Variants in PCCA observed in about 807,000 individuals in gnomAD.
PCCA encodes the protein propionyl-CoA carboxylase alpha chain, mitochondrial.
PCCA carries 74 observed loss-of-function variants against 101.3 expected under a neutral mutation model. The observed-to-expected ratio is 0.73, with a 90% CI of 0.61 to 0.89. The LOEUF (loss-of-function observed/expected upper bound fraction) is 0.89. PCCA is among the 40% of genes least tolerant of loss of function. The probability of loss-of-function intolerance (pLI) is 0.00; values close to 1 mark genes in which losing one functional copy is unlikely to be tolerated. For synonymous variants in PCCA, 294 were observed against 313.6 expected (o/e 0.94, Z 0.66); for missense variants, 891 against 907.0 (o/e 0.98, Z 0.23).
intron 7 of PCCA, among the ~76,000 whole-genome samples, chr13:100,234,674 T>A (rs2060676958): frequency 6.6e-6 from 1 of 151,514 alleles, no homozygotes; most frequent in African/African-American, 2.4e-5. Flanking sequence ...TAGACATAAG[T>A]GAACCAGTTA....
chr13:100,155,027 A>G lies in PCCA; in HGVS notation c.349A>G (p.Thr117Ala). The G allele has an allele frequency of 6.2e-7, 1 of 1,614,120 alleles. No homozygotes were observed. The highest frequency in any genetic ancestry group is 8.5e-7 in the Non-Finnish European group (1 of 1,179,994). Residue 117 changes from threonine to alanine, a missense_variant, in exon 5 of 24, where the codon ACC becomes GCC. By Grantham distance (58) the Thr-to-Ala change is moderately conservative (BLOSUM62 0). Transcript: ENST00000376285. ...DEAVCVGPAPTSKSYLNMDAI... is the reference protein window; with the variant it reads ...DEAVCVGPAPASKSYLNMDAI... ...GGCTGTCTGTGTTGGCCCAGCTCCC[A>G]CCAGTAAAAGCTACCTCAACATGGA...
intron 7 of PCCA, among the ~76,000 whole-genome samples, chr13:100,225,421 G>A (rs750717313): frequency 1.3e-5 from 2 of 152,184 alleles, no homozygotes; most frequent in South Asian, 2.1e-4. Context: ...GAGTATGGCC[G>A]TGTATTTGAA....
chr13:100,107,364 G>A (rs959511127), intron 2 of PCCA, among the ~76,000 whole-genome samples: 2 of 152,164 alleles, frequency 1.3e-5, no homozygotes, highest in Non-Finnish European at 2.9e-5. Context: ...GTTAGTGTGA[G>A]CCAGTACAGT....
intron 12 of PCCA, among the ~76,000 whole-genome samples, chr13:100,298,224 A>G (rs2065709054): frequency 6.6e-6 from 1 of 152,128 alleles, no homozygotes; most frequent in Admixed American, 6.6e-5. Context: ...TTTTTGAGGC[A>G]TTGTTTCCAA....
chr13:100,415,071 C>T (rs1233010826), intron 19 of PCCA, among the ~76,000 whole-genome samples: 2 of 151,778 alleles, frequency 1.3e-5, no homozygotes, highest in African/African-American at 2.4e-5. Flanking sequence ...AGGAGGAGAG[C>T]GTTGAGTTGG....
chr13:100,360,657 G>A (rs748399007), intron 18 of PCCA, among the ~76,000 whole-genome samples: 2 of 152,126 alleles, frequency 1.3e-5, no homozygotes, highest in South Asian at 2.1e-4. Flanking sequence ...CCAGAACACC[G>A]AACACCACGT....
At chr13:100,234,890 CAA>C (rs1566764964) in intron 7 of PCCA, among the ~76,000 whole-genome samples, 4 of 143,064 alleles carry the variant, frequency 2.8e-5, no homozygotes, top group African/African-American at 1.2e-4. Context: ...CTGAATTACA[CAA>C]ACACACACAC....
chr13:100,189,382 A>G (rs1212157899), intron 6 of PCCA, among the ~76,000 whole-genome samples: 1 of 152,220 alleles, frequency 6.6e-6, no homozygotes, highest in Non-Finnish European at 1.5e-5. Flanking sequence ...AGAACGATTT[A>G]TAATCCTTTG....
At chr13:100,392,555 T>C (rs1193416494) in intron 19 of PCCA, among the ~76,000 whole-genome samples, 1 of 152,160 alleles carries the variant, frequency 6.6e-6, no homozygotes, top group East Asian at 1.9e-4. Context: ...TTCTTCACAG[T>C]TTTTTCTCTG....
At chr13:100,323,041 G>A (rs1305990354) in intron 16 of PCCA, among the ~76,000 whole-genome samples, 1 of 152,194 alleles carries the variant, frequency 6.6e-6, no homozygotes, top group Non-Finnish European at 1.5e-5. Flanking sequence ...GATGCATATA[G>A]ATAGGTTTGC....
chr13:100,202,644 T>A, intron 6 of PCCA, among the ~76,000 whole-genome samples: 1 of 151,294 alleles, frequency 6.6e-6, no homozygotes, highest in Non-Finnish European at 1.5e-5. Flanking sequence ...ATATTTGCTC[T>A]TTTTTTTGCT....
chr13:100,480,646 A>T (rs1402819704), intron 21 of PCCA, among the ~76,000 whole-genome samples: 1 of 152,164 alleles, frequency 6.6e-6, no homozygotes, highest in East Asian at 1.9e-4. Flanking sequence ...AAACTAGATT[A>T]AACCAAAAAA....
intron 21 of PCCA, among the ~76,000 whole-genome samples, chr13:100,478,991 G>T (rs1214731122): frequency 1.3e-5 from 2 of 152,116 alleles, no homozygotes; most frequent in African/African-American, 4.8e-5. Context: ...TTCTCACTCA[G>T]GGTAAGGGAC....
chr13:100,505,107 C>T (rs1312532776), intron 21 of PCCA, among the ~76,000 whole-genome samples: 1 of 152,182 alleles, frequency 6.6e-6, no homozygotes, highest in Non-Finnish European at 1.5e-5. Flanking sequence ...GCCTCGCAGC[C>T]TGGAGATTTT....
Position 100,515,363 on chromosome 13 carries a change from A to C in PCCA, c.1900-64A>C, listed in dbSNP as rs185327997. On this transcript the variant is annotated intron_variant, in intron 21 of 23. Transcript: ENST00000376285. ...AAAGCTAAAAATTGATTTAGAATGAATGCTACTTTTGAGGAAAATTTCATT... is the reference window on the plus strand; with the variant it reads ...AAAGCTAAAAATTGATTTAGAATGACTGCTACTTTTGAGGAAAATTTCATT... The C allele has an allele frequency of 4.1e-6, 6 of 1,457,192 alleles. No individual in the cohort carries two copies. The Admixed American group carries it at 1.0e-4, about 25-fold the overall frequency. 90.3% of individuals were successfully genotyped at this position (1,457,192 alleles called of 1,614,324 possible). A position where few individuals can be genotyped will look rare whatever the true frequency, so the allele number is the denominator to read the frequency against.
At chr13:100,483,877 G>A (rs1239614027) in intron 21 of PCCA, among the ~76,000 whole-genome samples, 1 of 152,174 alleles carries the variant, frequency 6.6e-6, no homozygotes, top group East Asian at 1.9e-4. Flanking sequence ...GGTTGGAATC[G>A]TTTTTAATGC....
chr13:100,436,059 G>A lies in PCCA; in HGVS notation c.1845+10328G>A, dbSNP rs564981874. Among the ~76,000 whole-genome samples the A allele has an allele frequency of 1.1e-3, 136 of 129,310 alleles. No individual in the cohort carries two copies. In the East Asian group the frequency reaches 0.028, roughly 27 times the overall value. The allele number at this position is 129,310 out of a possible 152,430, so 84.8% of individuals were successfully genotyped here. A position where few individuals can be genotyped will look rare whatever the true frequency, so the allele number is the denominator to read the frequency against. On this transcript the variant is annotated intron_variant, in intron 20 of 23. Coordinates refer to ENST00000376285, the MANE Select transcript of PCCA (RefSeq NM_000282.4). Reference sequence around the variant, plus strand: ...ACTCTGTCTCAAATAAAAAAAAAAAGAGAGAGAGAGAAAGAAAATGAAACT... The same window carrying A: ...ACTCTGTCTCAAATAAAAAAAAAAAAAGAGAGAGAGAAAGAAAATGAAACT...
intron 19 of PCCA, among the ~76,000 whole-genome samples, chr13:100,378,698 C>T (rs1416100935): frequency 6.6e-6 from 1 of 152,008 alleles, no homozygotes; most frequent in Non-Finnish European, 1.5e-5. Context: ...ATTCTTTCTT[C>T]TGCTTGATCT....
At chr13:100,393,405 C>T (rs905199529) in intron 19 of PCCA, among the ~76,000 whole-genome samples, 2 of 148,072 alleles carry the variant, frequency 1.4e-5, no homozygotes, top group African/African-American at 5.0e-5. Flanking sequence ...CTTTTATTAA[C>T]TACTGAAGAG....
Sources: allele counts gnomAD v4.1 joint callset (sites outside exome capture counted in the v4.1 genomes callset), GRCh38; gene constraint gnomAD v4.1.1; transcripts MANE v1.5; gene names NCBI Gene and HGNC (gene_info 2026-07-23, HGNC 2026-07-21).